FAM9A: variants seen among roughly 807,000 people sequenced by gnomAD.
FAM9A encodes family with sequence similarity 9 member A, also known as protein FAM9A.
In FAM9A, 49 loss-of-function variants were observed where a neutral mutation model predicts 25.0. That is an observed-to-expected ratio of 1.96 (90% CI 1.56 to 2.48). The LOEUF is 2.48. FAM9A is among the 30% of genes most tolerant of loss of function. The pLI, the probability that FAM9A is intolerant of heterozygous loss-of-function variation, is 0.00. For synonymous variants in FAM9A, 80 were observed against 85.1 expected (o/e 0.94, Z 0.33); for missense variants, 266 against 249.3 (o/e 1.07, Z -0.45).
intron 8 of FAM9A, among the ~76,000 whole-genome samples, chrX:8,793,092 G>C (rs1474388226): frequency 1.8e-5 from 2 of 112,171 alleles, no homozygotes; most frequent in African/African-American, 3.2e-5. Context: ...AAATAAAAGA[G>C]ACACTCAGTA....
At chrX:8,793,610 T>C (rs759195690) in intron 8 of FAM9A, 48 bp downstream of exon 8, 2 of 1,017,400 alleles carry the variant, frequency 2.0e-6, no homozygotes, top group East Asian at 6.1e-5. Context: ...TCTTCTGTTA[T>C]GCACGTGTTG....
chrX:8,791,381 T>C lies in FAM9A; in HGVS notation c.931-2A>G. ...ATTGTCTTTAGTGTCCTTGGCAGCC[T>C]AAAAGAAAAAGTCTAGTTCACTGAC... On this transcript the variant is annotated splice_acceptor_variant, in intron 8 of 9. Coordinates refer to ENST00000381003, the MANE Select transcript of FAM9A (RefSeq NM_174951.3). LOFTEE classifies it high-confidence loss of function. 1.7e-6 allele frequency: 2 copies of C among 1,196,953 alleles called. No individual in the cohort carries two copies. The highest frequency in any genetic ancestry group is 2.3e-6 in the Non-Finnish European group (2 of 887,372).
intron 5 of FAM9A, among the ~76,000 whole-genome samples, chrX:8,797,680 T>C (rs1271073804): frequency 1.8e-5 from 2 of 111,057 alleles, no homozygotes; most frequent in African/African-American, 6.6e-5. Flanking sequence ...AAACCACCCA[T>C]CAGGTGCTAT....
At chrX:8,791,501 C>T in intron 8 of FAM9A, 122 bp from the exon 9 acceptor site, 2 of 516,424 alleles carry the variant, frequency 3.9e-6, no homozygotes, top group East Asian at 7.9e-5. Context: ...TTATTTATTT[C>T]AATTTGAAAA....
chrX:8,799,493 C>A (rs1933575053), intron 2 of FAM9A, among the ~76,000 whole-genome samples: 1 of 109,808 alleles, frequency 9.1e-6, no homozygotes. Flanking sequence ...GCCCAGGTGA[C>A]CCCTCGTGAC....
At position 8,798,464 on chromosome X, in the gene FAM9A, C is replaced by T. The variant is rs749521495; in HGVS notation, c.236G>A (p.Arg79His). 6 of 1,210,166 alleles carry T rather than the reference C, an allele frequency of 5.0e-6. No homozygotes were observed. The highest frequency in any genetic ancestry group is 2.3e-4 in the Middle Eastern group (1 of 4,341). ...AGGGTTTCTTTCCTCACATTCATCA[C>T]GGACTGGATCCTTTCCTGCATTAAA... ...AKKHTGKDPVRDECEERNPFT... is the reference protein window; with the variant it reads ...AKKHTGKDPVHDECEERNPFT... Residue 79 changes from arginine to histidine, a missense_variant, in exon 4 of 10, where the codon CGT becomes CAT. Transcript: ENST00000381003.
At position 8,795,252 on chromosome X, in the gene FAM9A, T is replaced by TACTA; in HGVS notation, c.653_656dup (p.Glu220SerfsTer60). The TACTA allele has an allele frequency of 8.5e-7, 1 of 1,170,582 alleles. No individual in the cohort carries two copies. Among genetic ancestry groups the TACTA allele is most frequent in the Non-Finnish European group, 1.2e-6 (1 of 868,832 alleles). On this transcript the variant is annotated frameshift_variant, in exon 7 of 10. Transcript: ENST00000381003. LOFTEE classifies it high-confidence loss of function. ...CCTTCTCTTCCTCCTCTTCGTCTTC[T>TACTA]ACTACTATTACTTCTGCTGCTGCTG...
At chrX:8,794,449 C>T (rs1448790382) in intron 7 of FAM9A, among the ~76,000 whole-genome samples, 5 of 111,744 alleles carry the variant, frequency 4.5e-5, no homozygotes, top group Admixed American at 1.9e-4. Flanking sequence ...AAGGAAATTT[C>T]GGCACAGAGA....
chrX:8,799,562 C>T (rs1311382286), intron 2 of FAM9A, among the ~76,000 whole-genome samples: 1 of 101,567 alleles, frequency 9.8e-6, no homozygotes, highest in Non-Finnish European at 2.0e-5. Context: ...AACTGTCCCC[C>T]ACAACACCCC....
chrX:8,790,951 T>C lies in FAM9A; in HGVS notation c.*253A>G, dbSNP rs1355897868. ...TGCAATCCCTGCCTTCTCACAGAAGTGTCTAGGATTCATTCAACAGATCAT... is the reference window on the plus strand; with the variant it reads ...TGCAATCCCTGCCTTCTCACAGAAGCGTCTAGGATTCATTCAACAGATCAT... On this transcript the variant is annotated 3_prime_UTR_variant, in exon 10 of 10. Coordinates refer to ENST00000381003, the MANE Select transcript of FAM9A (RefSeq NM_174951.3). 1.4e-5 allele frequency: 2 copies of C among 143,092 alleles called. No individual in the cohort carries two copies. Among genetic ancestry groups the C allele is most frequent in the African/African-American group, 6.3e-5 (2 of 31,981 alleles). 11.8% of individuals were successfully genotyped at this position (143,092 alleles called of 1,213,427 possible). A position where few individuals can be genotyped will look rare whatever the true frequency, so the allele number is the denominator to read the frequency against.
At chrX:8,791,484 A>C in intron 8 of FAM9A, 105 bp from the exon 9 acceptor site, 1 of 562,019 alleles carries the variant, frequency 1.8e-6, no homozygotes, top group South Asian at 5.3e-5. Context: ...TATTCAAAGG[A>C]TGCTGGTTAT....
At chrX:8,797,185 C>G (rs1209814632) in intron 5 of FAM9A, among the ~76,000 whole-genome samples, 1 of 112,314 alleles carries the variant, frequency 8.9e-6, no homozygotes, top group African/African-American at 3.2e-5. Context: ...CACTTACTCA[C>G]CAAGCAGAGC....
chrX:8,798,007 C>T (rs1569104838), intron 5 of FAM9A, 143 bp downstream of exon 5: 1 of 543,387 alleles, frequency 1.8e-6, no homozygotes, highest in Non-Finnish European at 2.9e-6. Flanking sequence ...AAACGCATTA[C>T]ATTAAATACA....
intron 7 of FAM9A, 38 bp from the exon 8 acceptor site, chrX:8,793,794 T>A: frequency 2.2e-6 from 2 of 927,585 alleles, no homozygotes; most frequent in South Asian, 4.1e-5. Context: ...AATTGGGTAA[T>A]TTTTAATACT....
chrX:8,797,599 G>A (rs1933548066), intron 5 of FAM9A, among the ~76,000 whole-genome samples: 1 of 111,145 alleles, frequency 9.0e-6, no homozygotes, highest in African/African-American at 3.3e-5. Flanking sequence ...GAGTACATAC[G>A]GACAGGAAGA....
intron 1 of FAM9A, among the ~76,000 whole-genome samples, chrX:8,800,526 G>A (rs1017399200): frequency 1.8e-5 from 2 of 110,332 alleles, no homozygotes; most frequent in African/African-American, 6.6e-5. Context: ...GGAGGACCAC[G>A]GGTGTCACAG....
At chrX:8,794,044 T>C (rs1476713395) in intron 7 of FAM9A, among the ~76,000 whole-genome samples, 3 of 112,371 alleles carry the variant, frequency 2.7e-5, no homozygotes, top group Non-Finnish European at 5.6e-5. Flanking sequence ...CGACCCTTCC[T>C]ATAATTTGTT....
chrX:8,798,341 G>A lies in FAM9A; in HGVS notation c.341+18C>T. 1 of 1,208,933 alleles carries A rather than the reference G, an allele frequency of 8.3e-7. No homozygotes were observed. Among genetic ancestry groups the A allele is most frequent in the Non-Finnish European group, 1.1e-6 (1 of 894,857 alleles). The stretch of plus-strand genomic sequence containing the variant: ...AAAAGACCCTATCCGACAGGCAAAA[G>A]TGACTTAAACACTTTACCCCGTGTG... On this transcript the variant is annotated intron_variant, in intron 4 of 9. Transcript: ENST00000381003.
At chrX:8,798,066 C>T in intron 5 of FAM9A, 84 bp downstream of exon 5, 2 of 921,284 alleles carry the variant, frequency 2.2e-6, no homozygotes, top group South Asian at 2.3e-5. Flanking sequence ...ACAGTCTCGT[C>T]GTCCACTAAT....
Sources: allele counts gnomAD v4.1 joint callset (sites outside exome capture counted in the v4.1 genomes callset), GRCh38; gene constraint gnomAD v4.1.1; transcripts MANE v1.5; gene names NCBI Gene and HGNC (gene_info 2026-07-23, HGNC 2026-07-21).